CASK: variants seen among roughly 807,000 people sequenced by gnomAD.
The protein encoded by CASK is peripheral plasma membrane protein CASK.
CASK carries 4 observed loss-of-function variants against 82.9 expected under a neutral mutation model. The observed-to-expected ratio is 0.05, with a 90% confidence interval of 0.02 to 0.11. CASK has a LOEUF of 0.11. Among genes scored for constraint, CASK ranks in the 10% least tolerant of loss-of-function variants. The probability of loss-of-function intolerance (pLI) is 1.00; values close to 1 mark genes in which losing one functional copy is unlikely to be tolerated. For synonymous variants in CASK, 259 were observed against 253.5 expected, an observed-to-expected ratio of 1.02 and a Z score of -0.20; for missense variants, 358 against 720.9, an observed-to-expected ratio of 0.50 and a Z score of 5.76.
intron 21 of CASK, chrX:41,552,617 C>T (rs1170859124): frequency 8.9e-6 from 1 of 111,962 alleles, no homozygotes; most frequent in Non-Finnish European, 1.9e-5. Context: ...CCTGCTTATG[C>T]TTGAACTGTT....
chrX:41,880,661 C>T lies in CASK; in HGVS notation c.60-27434G>A, dbSNP rs139494012. ...TGCAGTAATATGTATTTCTACAACA[C>T]TCAAGCCTCAGTCTAGCCAGGAGAT... On this transcript the variant is annotated intron_variant, in intron 1 of 26. Transcript: ENST00000378163. Among the ~76,000 whole-genome samples, 387 of 111,997 alleles carry T rather than the reference C, an allele frequency of 3.5e-3. 2 individuals carry two copies. Among genetic ancestry groups the T allele is most frequent in the African/African-American group, 0.012 (369 of 30,873 alleles).
intron 11 of CASK, among the ~76,000 whole-genome samples, chrX:41,611,969 G>C (rs1224501905): frequency 1.8e-5 from 2 of 111,905 alleles, no homozygotes; most frequent in African/African-American, 6.5e-5. Context: ...CCGAGGTGCC[G>C]GGATTGCAGA....
intron 22 of CASK, among the ~76,000 whole-genome samples, chrX:41,542,387 C>G (rs1476560891): frequency 1.8e-5 from 2 of 113,109 alleles, no homozygotes; most frequent in African/African-American, 6.4e-5. Context: ...CCTGGCTACT[C>G]AGCAAACTCT....
intron 7 of CASK, 110 bp from the exon 8 acceptor site, chrX:41,660,671 A>G: frequency 1.2e-6 from 1 of 807,875 alleles, no homozygotes; most frequent in Non-Finnish European, 1.8e-6. Flanking sequence ...CTGAGAGCAA[A>G]GAACAGAAAT....
intron 5 of CASK, chrX:41,676,468 CT>C (rs2067266873): frequency 8.4e-7 from 1 of 1,194,296 alleles, no homozygotes; most frequent in East Asian, 3.0e-5. Context: ...CCAGTTTGGC[CT>C]TCTGAACCAG....
intron 2 of CASK, among the ~76,000 whole-genome samples, chrX:41,835,916 T>C (rs1291873200): frequency 1.8e-5 from 2 of 112,138 alleles, no homozygotes; most frequent in Non-Finnish European, 3.8e-5. Context: ...TTTGTAATAT[T>C]TGTATCTCAT....
intron 12 of CASK, among the ~76,000 whole-genome samples, chrX:41,590,713 G>A (rs747531299): frequency 5.7e-4 from 63 of 110,069 alleles, no homozygotes; most frequent in African/African-American, 1.9e-3. Context: ...AGATGACCTC[G>A]GCTGTTGTGA....
Position 41,805,820 on chromosome X carries a change from C to T in CASK, c.173-18537G>A, listed in dbSNP as rs189600477. Reference sequence around the variant, plus strand: ...TAACCAAGATGACTTTAAGGAGAGACACCATATTCAAAGATGCAAAGTCAG... The same window carrying T: ...TAACCAAGATGACTTTAAGGAGAGATACCATATTCAAAGATGCAAAGTCAG... On this transcript the variant is annotated intron_variant, in intron 2 of 26. Transcript: ENST00000378163. Among the ~76,000 whole-genome samples, 104 of 111,180 alleles carry T rather than the reference C, an allele frequency of 9.4e-4. 1 individual carries two copies. Among genetic ancestry groups the T allele is most frequent in the African/African-American group, 3.3e-3 (101 of 30,555 alleles).
At chrX:41,569,808 A>G in intron 15 of CASK, 62 bp from the exon 16 acceptor site, 2 of 681,401 alleles carry the variant, frequency 2.9e-6, no homozygotes. Flanking sequence ...GCTTCTCTTA[A>G]TATTTGTGAT....
At chrX:41,538,763 C>G (rs190251955) in intron 22 of CASK, among the ~76,000 whole-genome samples, 1 of 111,904 alleles carries the variant, frequency 8.9e-6, no homozygotes, top group African/African-American at 3.2e-5. Context: ...CTTGTCTCAG[C>G]TGGAAACACT....
chrX:41,788,065 G>A (rs547224387), intron 2 of CASK, among the ~76,000 whole-genome samples: 5 of 106,745 alleles, frequency 4.7e-5, no homozygotes, highest in African/African-American at 1.7e-4. Context: ...GCTGAGGCAG[G>A]AGAATCACTT....
At chrX:41,751,158 C>A in intron 3 of CASK, among the ~76,000 whole-genome samples, 1 of 112,203 alleles carries the variant, frequency 8.9e-6, no homozygotes, top group East Asian at 2.8e-4. Context: ...TCATGGCTCA[C>A]TGCAGCCTGG....
At chrX:41,668,478 A>C (rs956238239) in intron 6 of CASK, among the ~76,000 whole-genome samples, 1 of 111,754 alleles carries the variant, frequency 8.9e-6, no homozygotes, top group African/African-American at 3.3e-5. Context: ...GAGGAGCATG[A>C]GTGGATTTTT....
At chrX:41,538,357 C>A (rs754490177) in intron 22 of CASK, among the ~76,000 whole-genome samples, 1 of 111,679 alleles carries the variant, frequency 9.0e-6, no homozygotes, top group Non-Finnish European at 1.9e-5. Flanking sequence ...TTTCGGGGCT[C>A]TAACATTTAA....
chrX:41,776,003 T>C lies in CASK; in HGVS notation c.278+11175A>G, dbSNP rs1306297080. 2.7e-5 allele frequency among the ~76,000 whole-genome samples: 3 copies of C among 109,215 alleles called. No homozygotes were observed. The Admixed American group carries it at 2.9e-4, about 11-fold the overall frequency. The allele number at this position is 109,215 out of a possible 115,157, so 94.8% of individuals were successfully genotyped here. On this transcript the variant is annotated intron_variant, in intron 3 of 26. Coordinates refer to ENST00000378163, the MANE Select transcript of CASK (RefSeq NM_001367721.1). Reference sequence around the variant, plus strand: ...ATACATATGTAACTAACCTGCACATTGTGCACATGTACCCTAAAACTTAAG... The same window carrying C: ...ATACATATGTAACTAACCTGCACATCGTGCACATGTACCCTAAAACTTAAG...
At chrX:41,563,812 A>G (rs2065268866) in intron 16 of CASK, among the ~76,000 whole-genome samples, 1 of 112,378 alleles carries the variant, frequency 8.9e-6, no homozygotes, top group Non-Finnish European at 1.9e-5. Flanking sequence ...TCTTAAAACT[A>G]AAAACCAAAA....
At chrX:41,919,567 A>C (rs1415211560) in intron 1 of CASK, among the ~76,000 whole-genome samples, 1 of 112,622 alleles carries the variant, frequency 8.9e-6, no homozygotes, top group Non-Finnish European at 1.9e-5. Flanking sequence ...AATGATCATG[A>C]CATAAAAATT....
At chrX:41,649,637 TTC>T (rs2066828209) in intron 8 of CASK, among the ~76,000 whole-genome samples, 1 of 112,037 alleles carries the variant, frequency 8.9e-6, no homozygotes, top group African/African-American at 3.2e-5. Context: ...ATAATTTCTG[TTC>T]TTTTACATTT....
chrX:41,597,575 T>G (rs2065838414), intron 12 of CASK, among the ~76,000 whole-genome samples: 1 of 112,635 alleles, frequency 8.9e-6, no homozygotes, highest in South Asian at 3.6e-4. Context: ...TTAAGAACTT[T>G]CTTCAGTTTC....
Sources: allele counts gnomAD v4.1 joint callset (sites outside exome capture counted in the v4.1 genomes callset), GRCh38; gene constraint gnomAD v4.1.1; transcripts MANE v1.5; gene names NCBI Gene and HGNC (gene_info 2026-07-23, HGNC 2026-07-21).